The following NUMB variants were observed in gnomAD, a reference collection of about 807,000 sequenced individuals.
NUMB encodes NUMB endocytic adaptor protein.
NUMB carries 29 observed loss-of-function variants against 59.7 expected under a neutral mutation model. That is an observed-to-expected ratio of 0.49 (90% CI 0.36 to 0.66). NUMB has a LOEUF of 0.66. Ranked by LOEUF, NUMB falls within the 30% of genes least tolerant of loss-of-function variation. The pLI is 0.00. For missense variants in NUMB, 723 were observed against 822.0 expected (o/e 0.88, Z 1.47); for synonymous variants, 288 against 288.2 (o/e 1.00, Z 0.01).
At chr14:73,419,281 C>T (rs893742987) in intron 1 of NUMB, among the ~76,000 whole-genome samples, 7 of 152,042 alleles carry the variant, frequency 4.6e-5, no homozygotes, top group African/African-American at 1.4e-4. Context: ...GAGGCCGAGG[C>T]GGGCGGATCA....
chr14:73,372,468 T>C (rs1041025079), intron 2 of NUMB, among the ~76,000 whole-genome samples: 1 of 148,048 alleles, frequency 6.8e-6, no homozygotes, highest in Non-Finnish European at 1.5e-5. Context: ...TGTGTATTTA[T>C]ATTTATACAG....
chr14:73,365,843 A>C (rs932717432), intron 3 of NUMB, among the ~76,000 whole-genome samples: 1 of 152,250 alleles, frequency 6.6e-6, no homozygotes, highest in Non-Finnish European at 1.5e-5. Context: ...GACAGCTACA[A>C]TAAACAAGTA....
At chr14:73,319,145 C>T (rs1189288933) in intron 5 of NUMB, among the ~76,000 whole-genome samples, 1 of 152,074 alleles carries the variant, frequency 6.6e-6, no homozygotes, top group Non-Finnish European at 1.5e-5. Flanking sequence ...CGCCTGTAAT[C>T]CCAGCTACTC....
intron 7 of NUMB, 40 bp from the exon 8 acceptor site, chr14:73,292,914 G>T: frequency 6.2e-7 from 1 of 1,603,680 alleles, no homozygotes; most frequent in Non-Finnish European, 8.5e-7. Context: ...AGACTTATGA[G>T]GTTATCTGAG....
chr14:73,282,506 C>T lies in NUMB; in HGVS notation c.950-1G>A. On this transcript the variant is annotated splice_acceptor_variant, in intron 10 of 12. Coordinates refer to ENST00000555238, the MANE Select transcript of NUMB (RefSeq NM_001005743.2). LOFTEE classifies it high-confidence loss of function. The stretch of plus-strand genomic sequence containing the variant: ...TCTGCCTCCCCTTCTACTTCTGGCA[C>T]TGCAAGGCAAACAGAAAATGGCTCC... 1 of 1,611,580 alleles carries T rather than the reference C, an allele frequency of 6.2e-7. No homozygotes were observed. The highest frequency in any genetic ancestry group is 8.5e-7 in the Non-Finnish European group (1 of 1,178,988).
chr14:73,446,510 G>A (rs1238168246), intron 1 of NUMB, among the ~76,000 whole-genome samples: 3 of 151,636 alleles, frequency 2.0e-5, no homozygotes, highest in Admixed American at 6.6e-5. Context: ...GGAGGCTGAG[G>A]AGGAGAATCA....
chr14:73,326,931 G>A (rs183230742), intron 4 of NUMB, among the ~76,000 whole-genome samples: 6 of 152,238 alleles, frequency 3.9e-5, no homozygotes, highest in Admixed American at 3.3e-4. Context: ...CATACACACA[G>A]CTAGTCAGGG....
chr14:73,312,609 G>A (rs959196480), intron 6 of NUMB, among the ~76,000 whole-genome samples: 1 of 151,868 alleles, frequency 6.6e-6, no homozygotes, highest in African/African-American at 2.4e-5. Context: ...AGCTACTCGA[G>A]AGGCTGTGTT....
Position 73,307,039 on chromosome 14 carries a change from G to A in NUMB, c.234+9351C>T, listed in dbSNP as rs563567775. Among the ~76,000 whole-genome samples the A allele has an allele frequency of 9.1e-4, 139 of 152,284 alleles. 1 individual carries two copies. Among genetic ancestry groups the A allele is most frequent in the African/African-American group, 3.3e-3 (137 of 41,566 alleles). On this transcript the variant is annotated intron_variant, in intron 6 of 12. Transcript: ENST00000555238. ...AAAATAAAGCTAGGGGTCAGGCGTGGTGGCTCACCCCTATAATCCCAGCAC... is the reference window on the plus strand; with the variant it reads ...AAAATAAAGCTAGGGGTCAGGCGTGATGGCTCACCCCTATAATCCCAGCAC...
intron 1 of NUMB, among the ~76,000 whole-genome samples, chr14:73,428,526 C>T (rs1897683307): frequency 6.6e-6 from 1 of 152,186 alleles, no homozygotes; most frequent in Non-Finnish European, 1.5e-5. Context: ...AGGCACAGCG[C>T]CTCGTGTCTG....
chr14:73,313,890 C>T (rs913807780), intron 6 of NUMB, among the ~76,000 whole-genome samples: 2 of 151,688 alleles, frequency 1.3e-5, no homozygotes, highest in East Asian at 3.9e-4. Context: ...TCATTGCAAC[C>T]TCTGCCTCCC....
chr14:73,377,616 G>A (rs549141763), intron 2 of NUMB, among the ~76,000 whole-genome samples: 46 of 151,980 alleles, frequency 3.0e-4, no homozygotes, highest in Non-Finnish European at 5.9e-4. Flanking sequence ...CTCCAGCCTG[G>A]GTGACAGAGA....
At position 73,411,119 on chromosome 14, in the gene NUMB, T is replaced by C. The variant is rs200172089; in HGVS notation, c.-232-1051A>G. Among the ~76,000 whole-genome samples, 6 of 151,658 alleles carry C rather than the reference T, an allele frequency of 4.0e-5. No homozygotes were observed. The East Asian group carries it at 1.2e-3, about 30-fold the overall frequency. ...TGATCTCGGCTCACTGCAGCCTCAA[T>C]CTGCCAGGCTCAAGCGATCCTCTCA... On this transcript the variant is annotated intron_variant, in intron 1 of 12. Transcript: ENST00000555238.
chr14:73,436,211 A>C (rs779402864), intron 1 of NUMB, among the ~76,000 whole-genome samples: 4 of 152,224 alleles, frequency 2.6e-5, no homozygotes, highest in Admixed American at 2.0e-4. Context: ...AGTACATTTT[A>C]AACAGTCTCT....
At chr14:73,359,247 G>A (rs1395925121) in intron 3 of NUMB, among the ~76,000 whole-genome samples, 1 of 152,202 alleles carries the variant, frequency 6.6e-6, no homozygotes, top group African/African-American at 2.4e-5. Flanking sequence ...TCAGGAAGCT[G>A]AGGCACGAGA....
At chr14:73,353,715 AAAAT>A (rs1893605516) in intron 4 of NUMB, among the ~76,000 whole-genome samples, 4 of 151,614 alleles carry the variant, frequency 2.6e-5, no homozygotes, top group African/African-American at 7.3e-5. Context: ...TCAAAATAAA[AAAAT>A]AAATAAATGA....
chr14:73,430,386 T>C (rs971759094), intron 1 of NUMB, among the ~76,000 whole-genome samples: 1 of 152,062 alleles, frequency 6.6e-6, no homozygotes, highest in Non-Finnish European at 1.5e-5. Context: ...TCCCAGCACT[T>C]TGGGAGGCCG....
At chr14:73,424,208 AAAG>A (rs1897484264) in intron 1 of NUMB, among the ~76,000 whole-genome samples, 1 of 152,132 alleles carries the variant, frequency 6.6e-6, no homozygotes, top group African/African-American at 2.4e-5. Flanking sequence ...GAAAAATAAA[AAAG>A]AAGAAACATT....
In NUMB at chr14:73,279,352, G is replaced by A. The variant is rs752985371; in HGVS notation, c.1169C>T (p.Pro390Leu). Residue 390 changes from proline (P) to leucine (L), a missense_variant, in exon 12 of 13, where the codon CCT becomes CTT. Transcript: ENST00000555238. ...GGCCCAAGGGTTGGTTTCACGCACA[G>A]GCATTGCTACGGGTGCTAGAGCAGT... ...AHTALAPVAM[P>L]VRETNPWAHA... 6.2e-7 allele frequency: 1 copy of A among 1,613,528 alleles called. No homozygotes were observed. The highest frequency in any genetic ancestry group is 1.7e-5 in the Admixed American group (1 of 59,916).
Sources: allele counts gnomAD v4.1 joint callset (sites outside exome capture counted in the v4.1 genomes callset), GRCh38; gene constraint gnomAD v4.1.1; transcripts MANE v1.5; gene names NCBI Gene and HGNC (gene_info 2026-07-23, HGNC 2026-07-21).